The following VSIG4 variants were observed in gnomAD, a reference collection of about 807,000 sequenced individuals.
The protein encoded by VSIG4 is V-set and immunoglobulin domain containing 4, also known as V-set and immunoglobulin domain-containing protein 4.
Under a neutral mutation model 23.4 loss-of-function variants are expected in VSIG4, and 34 were observed. The observed-to-expected ratio is 1.45, with a 90% confidence interval of 1.10 to 1.93. VSIG4 has a LOEUF of 1.93. VSIG4 is among the 30% of genes most tolerant of loss of function. The pLI, the probability that VSIG4 is intolerant of heterozygous loss-of-function variation, is 0.00. For synonymous variants in VSIG4, 169 were observed against 120.3 expected, an observed-to-expected ratio of 1.41 and a Z score of -2.65; for missense variants, 433 against 310.8, an observed-to-expected ratio of 1.39 and a Z score of -2.96.
At chrX:66,036,750 A>G (rs1172772881) in intron 1 of VSIG4, among the ~76,000 whole-genome samples, 1 of 43,114 alleles carries the variant, frequency 2.3e-5, no homozygotes, top group Non-Finnish European at 3.7e-5. Flanking sequence ...TATTAATAAT[A>G]TATAATATAA....
At chrX:66,027,727 T>A (rs190659206) in intron 4 of VSIG4, among the ~76,000 whole-genome samples, 28 of 112,127 alleles carry the variant, frequency 2.5e-4, no homozygotes, top group African/African-American at 8.1e-4. Flanking sequence ...TGAGAAGAAT[T>A]CCCATCGAGG....
At chrX:66,035,314 T>C (rs1475647277) in intron 1 of VSIG4, among the ~76,000 whole-genome samples, 1 of 112,211 alleles carries the variant, frequency 8.9e-6, no homozygotes, top group Non-Finnish European at 1.9e-5. Flanking sequence ...GATTTTGGTT[T>C]GCTCTATTTT....
At chrX:66,024,929 A>T in intron 6 of VSIG4, 96 bp downstream of exon 6, 1 of 591,605 alleles carries the variant, frequency 1.7e-6, no homozygotes, top group Non-Finnish European at 2.5e-6. Context: ...AGCTTCTTGA[A>T]GTGCCTAACA....
intron 1 of VSIG4, among the ~76,000 whole-genome samples, chrX:66,038,865 C>G (rs1482733676): frequency 9.0e-6 from 1 of 111,312 alleles, no homozygotes; most frequent in African/African-American, 3.3e-5. Flanking sequence ...TGGATTCTTT[C>G]TGACCTAACA....
intron 5 of VSIG4, 138 bp downstream of exon 5, chrX:66,027,311 G>A (rs766626445): frequency 1.9e-6 from 1 of 534,965 alleles, no homozygotes; most frequent in Non-Finnish European, 3.2e-6. Context: ...CATCCTCAGT[G>A]CCCTTGACCA....
chrX:66,032,199 C>G (rs1175750569), intron 3 of VSIG4, among the ~76,000 whole-genome samples: 1 of 111,657 alleles, frequency 9.0e-6, no homozygotes, highest in Non-Finnish European at 1.9e-5. Context: ...AAATGTGTGT[C>G]AAGTTATTGT....
chrX:66,035,775 C>T (rs1430720512), intron 1 of VSIG4, among the ~76,000 whole-genome samples: 1 of 112,405 alleles, frequency 8.9e-6, no homozygotes, highest in Non-Finnish European at 1.9e-5. Context: ...TAATCTTCCT[C>T]TGGACTTTCC....
At chrX:66,034,483 T>A (rs1003112061) in intron 1 of VSIG4, among the ~76,000 whole-genome samples, 3 of 112,110 alleles carry the variant, frequency 2.7e-5, no homozygotes, top group African/African-American at 9.7e-5. Flanking sequence ...TGGATACACA[T>A]TCCTGTTTAA....
chrX:66,032,624 G>A lies in VSIG4; in HGVS notation c.538C>T (p.Gln180Ter), dbSNP rs868033881. The A allele has an allele frequency of 8.3e-7, 1 of 1,211,409 alleles. No individual in the cohort carries two copies. The highest frequency in any genetic ancestry group is 1.8e-5 in the South Asian group (1 of 56,981). Reference sequence around the variant, plus strand: ...ATGGGTTCCTGGTTATTAGTCTGTTGCTTATACCAAATATAACTGATGGGA... The same window carrying A: ...ATGGGTTCCTGGTTATTAGTCTGTTACTTATACCAAATATAACTGATGGGA... ...SPPISYIWYKQQTNNQEPIKV... is the reference protein window; with the variant it reads ...SPPISYIWYK Residue 180 changes from glutamine to a stop codon, truncating the protein, a stop_gained, in exon 3 of 8, where the codon CAA (glutamine) becomes TAA (stop). Transcript: ENST00000374737. LOFTEE classifies it high-confidence loss of function.
rs979437350 is a variant in VSIG4 at position 66,025,225 on chromosome X, T to A, written c.836-96A>T. The A allele has an allele frequency of 5.3e-6, 3 of 565,945 alleles. No homozygotes were observed. In the African/African-American group the frequency reaches 7.1e-5, roughly 13 times the overall value. The allele number at this position is 565,945 out of a possible 1,213,427, so 46.6% of individuals were successfully genotyped here. Reference sequence around the variant, plus strand: ...GCCTAGACTAAGCCAGGCCTTTTTCTTTTTCATTTTCCATATTCTCCTAAC... The same window carrying A: ...GCCTAGACTAAGCCAGGCCTTTTTCATTTTCATTTTCCATATTCTCCTAAC... On this transcript the variant is annotated intron_variant, in intron 5 of 7. Coordinates refer to ENST00000374737, the MANE Select transcript of VSIG4 (RefSeq NM_007268.3).
chrX:66,031,219 G>A (rs969363062), intron 3 of VSIG4, among the ~76,000 whole-genome samples: 21 of 111,478 alleles, frequency 1.9e-4, no homozygotes, highest in African/African-American at 6.8e-4. Flanking sequence ...TAGGTGGTCT[G>A]AGAAGTAACT....
Position 66,034,425 on chromosome X carries a change from C to T in VSIG4, c.56-595G>A, listed in dbSNP as rs912710294. 3.6e-5 allele frequency among the ~76,000 whole-genome samples: 4 copies of T among 111,758 alleles called. No individual in the cohort carries two copies. In the Admixed American group the frequency reaches 3.8e-4, roughly 11 times the overall value. ...CAACCCTAAGATGTTCTCTGGAAGA[C>T]AGGCAAAAGGAAATACTGAGGGTGG... On this transcript the variant is annotated intron_variant, in intron 1 of 7. Coordinates refer to ENST00000374737, the MANE Select transcript of VSIG4 (RefSeq NM_007268.3).
chrX:66,036,555 C>A (rs113783814), intron 1 of VSIG4, among the ~76,000 whole-genome samples: 1 of 90,226 alleles, frequency 1.1e-5, no homozygotes, highest in East Asian at 3.3e-4. Flanking sequence ...CTTTGAGTCA[C>A]TATCAGTAAA....
In VSIG4 at chrX:66,022,303, T is replaced by A. The variant is rs2085341146; in HGVS notation, c.1160A>T (p.Asp387Val). 8.3e-7 allele frequency: 1 copy of A among 1,211,104 alleles called. No homozygotes were observed. The highest frequency in any genetic ancestry group is 2.2e-5 in the Admixed American group (1 of 45,992). Reference sequence around the variant, plus strand: ...GCCCTCAGTGGCCAGAAACTCATAATCCAGAGGAACTGTGTCCAGCAGGCG... The same window carrying A: ...GCCCTCAGTGGCCAGAAACTCATAAACCAGAGGAACTGTGTCCAGCAGGCG... ...YARLLDTVPLDYEFLATEGKS... is the reference protein window; with the variant it reads ...YARLLDTVPLVYEFLATEGKS... The change falls in exon 8 of 8, where the codon GAT becomes GTT. Residue 387 changes from aspartate to valine, a missense_variant. Coordinates refer to ENST00000374737, the MANE Select transcript of VSIG4 (RefSeq NM_007268.3).
chrX:66,026,538 T>A (rs947859276), intron 5 of VSIG4, among the ~76,000 whole-genome samples: 2 of 111,634 alleles, frequency 1.8e-5, no homozygotes, highest in Non-Finnish European at 3.8e-5. Context: ...GCTATGGAAA[T>A]CTTGAAGCCA....
chrX:66,040,018 G>T lies in VSIG4; in HGVS notation c.-20C>A, dbSNP rs1258939867. ...CCCCATCACAGCCAGAGCTACTTCT[G>T]TCCTTTCTTCCAGCCTCCTGCTACC... On this transcript the variant is annotated 5_prime_UTR_variant, in exon 1 of 8. Transcript: ENST00000374737. The T allele has an allele frequency of 2.5e-6, 3 of 1,209,031 alleles. No homozygotes were observed. The highest frequency in any genetic ancestry group is 1.7e-5 in the African/African-American group (1 of 57,329).
chrX:66,035,059 C>A (rs2085520403), intron 1 of VSIG4, among the ~76,000 whole-genome samples: 1 of 110,886 alleles, frequency 9.0e-6, no homozygotes, highest in Non-Finnish European at 1.9e-5. Flanking sequence ...CGTTCTAACT[C>A]CCAGAATATA....
intron 7 of VSIG4, 155 bp downstream of exon 7, chrX:66,022,686 G>A: frequency 8.8e-7 from 1 of 1,138,131 alleles, no homozygotes; most frequent in Non-Finnish European, 1.2e-6. Flanking sequence ...CTCAGAAGGT[G>A]CCTGAGAGAG....
At chrX:66,034,123 G>A (rs2085503648) in intron 1 of VSIG4, among the ~76,000 whole-genome samples, 1 of 112,061 alleles carries the variant, frequency 8.9e-6, no homozygotes, top group Non-Finnish European at 1.9e-5. Context: ...TACCGTGGAA[G>A]ATTCATTTAC....
Sources: allele counts gnomAD v4.1 joint callset (sites outside exome capture counted in the v4.1 genomes callset), GRCh38; gene constraint gnomAD v4.1.1; transcripts MANE v1.5; gene names NCBI Gene and HGNC (gene_info 2026-07-23, HGNC 2026-07-21).